The following STXBP5L variants were observed in gnomAD, a reference collection of about 807,000 sequenced individuals.
STXBP5L encodes syntaxin binding protein 5L.
STXBP5L carries 65 observed loss-of-function variants against 144.5 expected under a neutral mutation model. The ratio of observed to expected loss-of-function variants is 0.45; its 90% CI spans 0.37 to 0.55. The LOEUF is 0.55. Ranked by LOEUF, STXBP5L falls within the 20% of genes least tolerant of loss-of-function variation. STXBP5L has a pLI of 0.00. For missense variants in STXBP5L, 1,298 were observed against 1,405.5 expected, an observed-to-expected ratio of 0.92 and a Z score of 1.22; for synonymous variants, 505 against 469.6, an observed-to-expected ratio of 1.08 and a Z score of -0.97.
chr3:121,415,923 G>A lies in STXBP5L; in HGVS notation c.3181G>A (p.Gly1061Arg), dbSNP rs2047221812. ...AGCTCAAAACAGAGGCTTTCTCAAGGGACTGTTTGGTGGAAGCGGACAAAC... is the reference window on the plus strand; with the variant it reads ...AGCTCAAAACAGAGGCTTTCTCAAGAGACTGTTTGGTGGAAGCGGACAAAC... ...PEAQNRGFLKGLFGGSGQTFD... is the reference protein window; with the variant it reads ...PEAQNRGFLKRLFGGSGQTFD... Residue 1061 changes from glycine (G) to arginine (R), a missense_variant, in exon 25 of 27, where the codon GGA becomes AGA. Coordinates refer to ENST00000471454, the MANE Select transcript of STXBP5L (RefSeq NM_001308330.2). 6.2e-7 allele frequency: 1 copy of A among 1,613,334 alleles called. No homozygotes were observed. The highest frequency in any genetic ancestry group is 8.5e-7 in the Non-Finnish European group (1 of 1,179,548).
intron 4 of STXBP5L, among the ~76,000 whole-genome samples, chr3:121,042,197 T>G (rs1258254906): frequency 6.6e-6 from 1 of 152,156 alleles, no homozygotes; most frequent in Non-Finnish European, 1.5e-5. Flanking sequence ...TGGGCCCTTT[T>G]ATCTGCATAT....
At chr3:121,363,679 C>T (rs2045782276) in intron 20 of STXBP5L, among the ~76,000 whole-genome samples, 1 of 152,040 alleles carries the variant, frequency 6.6e-6, no homozygotes, top group African/African-American at 2.4e-5. Flanking sequence ...CTCCTTAGTG[C>T]CTCTTCTAAT....
chr3:120,945,832 A>T (rs561600541), intron 2 of STXBP5L, among the ~76,000 whole-genome samples: 2 of 151,914 alleles, frequency 1.3e-5, no homozygotes, highest in African/African-American at 4.8e-5. Flanking sequence ...GCAGTACTGA[A>T]AAAAGAATTT....
intron 14 of STXBP5L, among the ~76,000 whole-genome samples, chr3:121,244,920 C>T (rs189325348): frequency 6.6e-6 from 1 of 152,246 alleles, no homozygotes; most frequent in Non-Finnish European, 1.5e-5. Context: ...ACATGTCTTA[C>T]ATGAATTGCT....
intron 9 of STXBP5L, among the ~76,000 whole-genome samples, chr3:121,187,234 A>C (rs1418903958): frequency 6.6e-6 from 1 of 152,166 alleles, no homozygotes; most frequent in African/African-American, 2.4e-5. Context: ...AAAAATGATG[A>C]GTTCATGTCC....
chr3:121,318,241 T>A (rs1013786151), intron 19 of STXBP5L, among the ~76,000 whole-genome samples: 4 of 151,968 alleles, frequency 2.6e-5, no homozygotes, highest in Admixed American at 1.3e-4. Flanking sequence ...GAGTATTGCT[T>A]CAGCCCAGGA....
intron 19 of STXBP5L, among the ~76,000 whole-genome samples, chr3:121,306,342 C>A (rs1410628793): frequency 1.3e-5 from 2 of 152,146 alleles, no homozygotes; most frequent in African/African-American, 4.8e-5. Context: ...CAGAGGCTCC[C>A]TTCTGACCAT....
At chr3:121,211,004 C>T (rs889858423) in intron 10 of STXBP5L, among the ~76,000 whole-genome samples, 5 of 152,154 alleles carry the variant, frequency 3.3e-5, no homozygotes, top group Admixed American at 2.0e-4. Flanking sequence ...GGCATTGAAT[C>T]TATAAATTAC....
chr3:120,956,561 G>T (rs1419755400), intron 3 of STXBP5L, among the ~76,000 whole-genome samples: 1 of 151,656 alleles, frequency 6.6e-6, no homozygotes, highest in Non-Finnish European at 1.5e-5. Context: ...ATCACATTTT[G>T]ATATCTGTTC....
At chr3:121,176,739 C>T (rs1313202634) in intron 9 of STXBP5L, among the ~76,000 whole-genome samples, 1 of 151,504 alleles carries the variant, frequency 6.6e-6, no homozygotes, top group Admixed American at 6.6e-5. Context: ...CATCTAACAA[C>T]CCAATAAGGG....
At chr3:120,978,012 A>G (rs1317923745) in intron 3 of STXBP5L, among the ~76,000 whole-genome samples, 3 of 152,092 alleles carry the variant, frequency 2.0e-5, no homozygotes, top group Non-Finnish European at 4.4e-5. Flanking sequence ...TGAATATGAC[A>G]ATTATGTGTC....
At chr3:121,169,088 T>A (rs1297716852) in intron 9 of STXBP5L, among the ~76,000 whole-genome samples, 2 of 152,298 alleles carry the variant, frequency 1.3e-5, no homozygotes, top group African/African-American at 2.4e-5. Context: ...CCAGCCAAAC[T>A]AAGCTTCATA....
At chr3:121,304,865 C>A in intron 19 of STXBP5L, among the ~76,000 whole-genome samples, 1 of 151,196 alleles carries the variant, frequency 6.6e-6, no homozygotes. Flanking sequence ...CAAAAATGAA[C>A]GAAATAGAGG....
intron 2 of STXBP5L, among the ~76,000 whole-genome samples, chr3:120,937,100 G>A (rs186681241): frequency 3.5e-4 from 53 of 152,094 alleles, no homozygotes; most frequent in African/African-American, 1.2e-3. Flanking sequence ...GCTGGAGGTG[G>A]GCATATCTCT....
At chr3:120,961,000 A>G (rs997471518) in intron 3 of STXBP5L, among the ~76,000 whole-genome samples, 1 of 151,620 alleles carries the variant, frequency 6.6e-6, no homozygotes, top group Non-Finnish European at 1.5e-5. Flanking sequence ...AAATCTTATT[A>G]CTCATTTTTG....
intron 3 of STXBP5L, among the ~76,000 whole-genome samples, chr3:120,978,624 C>G (rs1353607155): frequency 1.3e-5 from 2 of 151,942 alleles, no homozygotes; most frequent in African/African-American, 2.4e-5. Flanking sequence ...AGGCACTCTG[C>G]TTTTTAGAGT....
chr3:121,067,698 G>A (rs1249050816), intron 5 of STXBP5L, among the ~76,000 whole-genome samples: 1 of 152,116 alleles, frequency 6.6e-6, no homozygotes, highest in African/African-American at 2.4e-5. Context: ...GATATTAAGA[G>A]AGGACCGTTA....
At chr3:121,408,782 T>C (rs1452949469) in intron 23 of STXBP5L, among the ~76,000 whole-genome samples, 1 of 151,902 alleles carries the variant, frequency 6.6e-6, no homozygotes, top group Non-Finnish European at 1.5e-5. Flanking sequence ...TGAAGTGGTG[T>C]CTGTATTGAA....
intron 20 of STXBP5L, among the ~76,000 whole-genome samples, chr3:121,376,894 T>G (rs1305297759): frequency 1.3e-5 from 2 of 152,170 alleles, no homozygotes; most frequent in Non-Finnish European, 2.9e-5. Context: ...TGTGTCCTCT[T>G]TTATTTCTTT....
Sources: gnomAD v4.1 joint callset for allele counts (sites outside exome capture counted in the v4.1 genomes callset) on GRCh38, gnomAD v4.1.1 for gene constraint, MANE v1.5 for transcripts, NCBI Gene and HGNC (gene_info 2026-07-23, HGNC 2026-07-21) for gene names.